The following PLCH2 variants were observed in gnomAD, a reference collection of about 807,000 sequenced individuals.
The protein encoded by PLCH2 is 1-phosphatidylinositol 4,5-bisphosphate phosphodiesterase eta-2.
In PLCH2, 98 loss-of-function variants were observed where a neutral mutation model predicts 134.7. That is an observed-to-expected ratio of 0.73 (90% CI 0.62 to 0.86). The LOEUF (loss-of-function observed/expected upper bound fraction) is 0.86. Ranked by LOEUF, PLCH2 falls within the 40% of genes least tolerant of loss-of-function variation. PLCH2 has a pLI of 0.00. For synonymous variants in PLCH2, 974 were observed against 827.5 expected, an observed-to-expected ratio of 1.18 and a Z score of -3.04; for missense variants, 1,994 against 1,986.6, an observed-to-expected ratio of 1.00 and a Z score of -0.07.
chr1:2,476,927 G>A (rs1441899855), intron 1 of PLCH2, among the ~76,000 whole-genome samples: 3 of 152,104 alleles, frequency 2.0e-5, no homozygotes, highest in South Asian at 2.1e-4. Context: ...AGCACACCTC[G>A]GTCTCCCAGG....
At position 2,489,397 on chromosome 1, in the gene PLCH2, T is replaced by G; in HGVS notation, c.1407+19T>G. ...CGTGAAGGTGAGTGAGCCCCTGCCC[T>G]CCTGGGACCAGCTCACACAGAGTCT... is the stretch of plus-strand genomic sequence containing the variant. On this transcript the variant is annotated intron_variant, in intron 9 of 21. Transcript: ENST00000378486. 6.2e-7 allele frequency: 1 copy of G among 1,611,870 alleles called. No homozygotes were observed. The highest frequency in any genetic ancestry group is 8.5e-7 in the Non-Finnish European group (1 of 1,178,806).
intron 2 of PLCH2, among the ~76,000 whole-genome samples, chr1:2,442,955 G>A (rs911510594): frequency 6.6e-6 from 1 of 152,208 alleles, no homozygotes; most frequent in African/African-American, 2.4e-5. Flanking sequence ...CGAAGTGCCT[G>A]GAAACAGAGA....
At chr1:2,465,576 G>A (rs757427940), upstream of PLCH2, among the ~76,000 whole-genome samples, 2 of 152,102 alleles carry the variant, frequency 1.3e-5, no homozygotes, top group Non-Finnish European at 2.9e-5. Flanking sequence ...CCTGCTGCCC[G>A]CCGCCTGCCG....
chr1:2,476,232 G>A (rs1050740051), upstream of PLCH2: 6 of 203,558 alleles, frequency 2.9e-5, no homozygotes, highest in Non-Finnish European at 2.9e-5. Flanking sequence ...TCCTCCACCA[G>A]CTGGGCTGGA....
upstream of PLCH2, among the ~76,000 whole-genome samples, chr1:2,465,448 G>A (rs926701094): frequency 1.3e-5 from 2 of 152,192 alleles, no homozygotes; most frequent in African/African-American, 4.8e-5. Flanking sequence ...GGCTCTGGCG[G>A]GCTCACAGCT....
At chr1:2,432,596 C>T (rs1308097361) in intron 2 of PLCH2, among the ~76,000 whole-genome samples, 1 of 152,188 alleles carries the variant, frequency 6.6e-6, no homozygotes, top group Non-Finnish European at 1.5e-5. Flanking sequence ...GTGCACCCGG[C>T]CCCCACACTC....
rs1557427717 is a variant in PLCH2, at chr1:2,505,086, AGCG to A, written c.4126_4128del (p.Arg1376del). The A allele has an allele frequency of 1.3e-6, 2 of 1,539,132 alleles. No individual in the cohort carries two copies. The highest frequency in any genetic ancestry group is 2.7e-5 in the African/African-American group (2 of 73,016). On this transcript the variant is annotated inframe_deletion, in exon 22 of 22. Coordinates refer to ENST00000378486, the MANE Select transcript of PLCH2 (RefSeq NM_014638.4). ...GGCCGGCAGGGACCCCCAGAAGAGG[AGCG>A]GGGCACCCCCGAGGGCGCCTGCTCC...
chr1:2,416,503 C>T, the PLCH2 span, among the ~76,000 whole-genome samples: 2,955 of 152,250 alleles, frequency 0.019, 40 homozygotes, highest in Non-Finnish European at 0.031. Flanking sequence ...GCACTCCACC[C>T]GTCTGTGGCA....
At chr1:2,480,009 C>G (rs747697706) in intron 3 of PLCH2, 32 bp downstream of exon 3, 2 of 1,594,862 alleles carry the variant, frequency 1.3e-6, no homozygotes, top group Admixed American at 1.7e-5. Context: ...GCAATGCAGA[C>G]CCAGGGACCG....
the PLCH2 span, among the ~76,000 whole-genome samples, chr1:2,418,792 C>A: frequency 6.6e-6 from 1 of 152,344 alleles, no homozygotes; most frequent in Admixed American, 6.5e-5. Flanking sequence ...ATGACGGCCT[C>A]TCCTTTGCAC....
chr1:2,426,876 C>A (rs1334636250), intron 1 of PLCH2, among the ~76,000 whole-genome samples: 1 of 152,248 alleles, frequency 6.6e-6, no homozygotes, highest in South Asian at 2.1e-4. Flanking sequence ...CTTGCTGGGG[C>A]CTGTGGCTTC....
At position 2,504,917 on chromosome 1, in the gene PLCH2, A is replaced by G; in HGVS notation, c.3955A>G (p.Thr1319Ala). ...FQQAGDITSP[T>A]SLGPAGEGVA... ...GCAGGCAGGAGACATCACGTCACCC[A>G]CCAGCCTGGGCCCGGCTGGGGAGGG... The change falls in exon 22 of 22, where the codon ACC becomes GCC. Residue 1319 changes from threonine (T) to alanine (A), a missense_variant. By Grantham distance (58) the Thr-to-Ala change is moderately conservative. Transcript: ENST00000378486. 1 of 1,576,186 alleles carries G rather than the reference A, an allele frequency of 6.3e-7. No homozygotes were observed.
At chr1:2,483,919 T>G (rs1349002150) in intron 4 of PLCH2, among the ~76,000 whole-genome samples, 1 of 73,802 alleles carries the variant, frequency 1.4e-5, no homozygotes, top group Non-Finnish European at 2.6e-5. Flanking sequence ...GACTCCCGTG[T>G]GGGGGGGCGC....
upstream of PLCH2, among the ~76,000 whole-genome samples, chr1:2,476,152 G>A (rs1360770115): frequency 6.6e-6 from 1 of 152,228 alleles, no homozygotes; most frequent in Admixed American, 6.5e-5. Context: ...CTGGTGGCCT[G>A]GGGCCTTGGG....
At chr1:2,455,199 A>T (rs1640431309) in intron 2 of PLCH2, among the ~76,000 whole-genome samples, 1 of 152,204 alleles carries the variant, frequency 6.6e-6, no homozygotes, top group South Asian at 2.1e-4. Context: ...TAGCCCGGGC[A>T]TGGGACCCTC....
chr1:2,442,576 G>A (rs1639740681), intron 2 of PLCH2, among the ~76,000 whole-genome samples: 1 of 152,330 alleles, frequency 6.6e-6, no homozygotes, highest in South Asian at 2.1e-4. Context: ...CCCTTTCTCA[G>A]CTCTGGCGAG....
At chr1:2,431,157 T>C (rs1639051229) in intron 2 of PLCH2, among the ~76,000 whole-genome samples, 1 of 151,960 alleles carries the variant, frequency 6.6e-6, no homozygotes, top group Non-Finnish European at 1.5e-5. Context: ...CGTGTGTGTG[T>C]GTGTGCACAC....
In PLCH2 at chr1:2,498,811, G is replaced by C; in HGVS notation, c.2417G>C (p.Arg806Pro). Reference protein sequence around the residue: ...LPVDCSREQTRVVDDNGFNPT... With the variant: ...LPVDCSREQTPVVDDNGFNPT... ...GTGGACTGCAGCAGGGAGCAGACCC[G>C]CGTGGTGGACGACAACGGTGAGGCT... Residue 806 changes from arginine (R) to proline (P), a missense_variant, in exon 18 of 22, where the codon CGC (arginine) becomes CCC (proline). Arg to Pro is a moderately radical substitution (Grantham distance 103). This residue lies in a region of PLCH2 where 1,094 missense variants were observed against 1,234.3 expected (regional missense o/e 0.89). Transcript: ENST00000378486. The surrounding 1 kb of genome is among the most constrained non-coding windows in gnomAD (Gnocchi z 5.4). 6.2e-7 allele frequency: 1 copy of C among 1,610,136 alleles called. No homozygotes were observed. Among genetic ancestry groups the C allele is most frequent in the Non-Finnish European group, 8.5e-7 (1 of 1,178,038 alleles).
upstream of PLCH2, among the ~76,000 whole-genome samples, chr1:2,475,924 G>A (rs1362679828): frequency 6.6e-6 from 1 of 152,154 alleles, no homozygotes; most frequent in Non-Finnish European, 1.5e-5. Context: ...CTGGACTTTG[G>A]GGATCCACTC....
Sources: allele counts gnomAD v4.1 joint callset (sites outside exome capture counted in the v4.1 genomes callset), GRCh38; gene constraint gnomAD v4.1.1; regional missense constraint gnomAD v4.1.1; non-coding constraint Gnocchi (gnomAD v3.1); transcripts MANE v1.5; gene names NCBI Gene and HGNC (gene_info 2026-07-23, HGNC 2026-07-21).